The following CTSO variants were observed in gnomAD, a reference collection of about 807,000 sequenced individuals.
CTSO encodes cathepsin O.
CTSO carries 40 observed loss-of-function variants against 42.4 expected under a neutral mutation model. The ratio of observed to expected loss-of-function variants is 0.94; its 90% confidence interval spans 0.73 to 1.23. CTSO has a LOEUF of 1.23. CTSO is among the 50% of genes most tolerant of loss of function. CTSO has a pLI of 0.00. For missense variants in CTSO, 441 were observed against 396.0 expected (o/e 1.11, Z -0.96); for synonymous variants, 156 against 146.2 (o/e 1.07, Z -0.48).
intron 1 of CTSO, among the ~76,000 whole-genome samples, chr4:155,945,404 A>G (rs530593146): frequency 1.3e-5 from 2 of 152,366 alleles, no homozygotes; most frequent in East Asian, 3.9e-4. Flanking sequence ...ATGACAATAA[A>G]TTGGCAAACT....
intron 1 of CTSO, among the ~76,000 whole-genome samples, chr4:155,943,774 T>C (rs568403339): frequency 1.3e-5 from 2 of 152,338 alleles, no homozygotes; most frequent in African/African-American, 4.8e-5. Context: ...TAGATATCTC[T>C]ATCTCATGTA....
At chr4:155,939,995 G>A (rs1743400733) in intron 3 of CTSO, among the ~76,000 whole-genome samples, 1 of 152,148 alleles carries the variant, frequency 6.6e-6, no homozygotes, top group Non-Finnish European at 1.5e-5. Flanking sequence ...CTAAGGGTGA[G>A]GAGGGGAAAG....
At chr4:155,948,690 A>G (rs1266174582) in intron 1 of CTSO, among the ~76,000 whole-genome samples, 2 of 152,206 alleles carry the variant, frequency 1.3e-5, no homozygotes, top group East Asian at 3.9e-4. Flanking sequence ...AATTCCTCAG[A>G]AATCAACATT....
In CTSO at chr4:155,950,699, C is replaced by A. The variant is rs954697019; in HGVS notation, c.135+3014G>T. Among the ~76,000 whole-genome samples the A allele has an allele frequency of 2.0e-5, 3 of 151,988 alleles. No individual in the cohort carries two copies. The East Asian group carries it at 5.8e-4, about 29-fold the overall frequency. On this transcript the variant is annotated intron_variant, in intron 1 of 7. Coordinates refer to ENST00000433477, the MANE Select transcript of CTSO (RefSeq NM_001334.3). The stretch of plus-strand genomic sequence containing the variant: ...ACCTGATCTCCACCTTCTGTCAGAT[C>A]GGCAGCAGCATTAGATTATCATAGG...
intron 1 of CTSO, among the ~76,000 whole-genome samples, chr4:155,948,131 T>C (rs1490141137): frequency 2.6e-5 from 4 of 152,110 alleles, no homozygotes; most frequent in African/African-American, 9.7e-5. Flanking sequence ...ACCAGATTCC[T>C]GAACAGAAGG....
intron 6 of CTSO, among the ~76,000 whole-genome samples, chr4:155,929,236 A>G (rs1173350576): frequency 1.3e-5 from 2 of 152,182 alleles, no homozygotes; most frequent in Non-Finnish European, 2.9e-5. Flanking sequence ...CTTGCTGTCA[A>G]TAAATATGTG....
At chr4:155,945,996 A>T (rs2110932219) in intron 1 of CTSO, among the ~76,000 whole-genome samples, 1 of 152,284 alleles carries the variant, frequency 6.6e-6, no homozygotes, top group East Asian at 1.9e-4. Flanking sequence ...GATCCTTAAA[A>T]TTACACAAAT....
intron 5 of CTSO, 45 bp from the exon 6 acceptor site, chr4:155,929,750 G>A (rs746755188): frequency 1.3e-6 from 2 of 1,552,780 alleles, no homozygotes; most frequent in Non-Finnish European, 8.7e-7. Context: ...AGTTTTTAAG[G>A]TAAAAATAAC....
chr4:155,940,377 T>C (rs1246524896), intron 3 of CTSO, among the ~76,000 whole-genome samples: 1 of 148,728 alleles, frequency 6.7e-6, no homozygotes, highest in Non-Finnish European at 1.5e-5. Flanking sequence ...TGGAGGGCCA[T>C]GTGTGGCAGA....
chr4:155,924,710 C>CT lies in CTSO; in HGVS notation c.*1325dup, dbSNP rs1366789025. The CT allele has an allele frequency of 6.6e-6, 1 of 152,126 alleles. No homozygotes were observed. Among genetic ancestry groups the CT allele is most frequent in the East Asian group, 1.9e-4 (1 of 5,198 alleles). The allele number at this position is 152,126 out of a possible 1,614,324, so 9.4% of individuals were successfully genotyped here. On this transcript the variant is annotated 3_prime_UTR_variant, in exon 8 of 8. Coordinates refer to ENST00000433477, the MANE Select transcript of CTSO (RefSeq NM_001334.3). ...CAATCAGAAGGTCAACTCCTTTGCTCTAAGGTTCTTACACTGCTAACAAGA... is the reference window on the plus strand; with the variant it reads ...CAATCAGAAGGTCAACTCCTTTGCTCTTAAGGTTCTTACACTGCTAACAAGA...
chr4:155,929,056 A>C (rs1010358464), intron 6 of CTSO, among the ~76,000 whole-genome samples: 1 of 152,228 alleles, frequency 6.6e-6, no homozygotes, highest in Non-Finnish European at 1.5e-5. Flanking sequence ...AACTGCTTAA[A>C]GGCGTTCTTA....
intron 1 of CTSO, among the ~76,000 whole-genome samples, chr4:155,944,068 C>T (rs1743491607): frequency 6.6e-6 from 1 of 152,144 alleles, no homozygotes; most frequent in African/African-American, 2.4e-5. Context: ...TATTGTGTGT[C>T]TGTATCAAAA....
chr4:155,924,522 T>C lies in CTSO; in HGVS notation c.*1514A>G, dbSNP rs1021099478. 5 of 152,154 alleles carry C rather than the reference T, an allele frequency of 3.3e-5. No individual in the cohort carries two copies. Among genetic ancestry groups the C allele is most frequent in the South Asian group, 2.1e-4 (1 of 4,824 alleles). 9.4% of individuals were successfully genotyped at this position (152,154 alleles called of 1,614,324 possible). A position where few individuals can be genotyped will look rare whatever the true frequency, so the allele number is the denominator to read the frequency against. ...AGTGAGAGAAAAAGTTAGATGTCCT[T>C]GAATTTTTTTTTTTAGTGGTTGCTA... On this transcript the variant is annotated 3_prime_UTR_variant, in exon 8 of 8. Coordinates refer to ENST00000433477, the MANE Select transcript of CTSO (RefSeq NM_001334.3).
chr4:155,932,201 AT>A (rs933980692), intron 5 of CTSO, among the ~76,000 whole-genome samples: 1 of 152,084 alleles, frequency 6.6e-6, no homozygotes, highest in Middle Eastern at 3.4e-3. Context: ...ATTTTAGATG[AT>A]TTTTTTCCCT....
intron 5 of CTSO, among the ~76,000 whole-genome samples, chr4:155,932,528 A>G (rs1217762906): frequency 1.3e-5 from 2 of 152,140 alleles, no homozygotes; most frequent in Non-Finnish European, 2.9e-5. Context: ...ACTTGCAACA[A>G]TGAGATCCTG....
chr4:155,947,422 C>A (rs1743569082), intron 1 of CTSO, among the ~76,000 whole-genome samples: 1 of 152,142 alleles, frequency 6.6e-6, no homozygotes, highest in South Asian at 2.1e-4. Flanking sequence ...GCTCAAAGAC[C>A]ATACTTTCAG....
At chr4:155,937,791 T>C (rs1250895100) in intron 4 of CTSO, among the ~76,000 whole-genome samples, 1 of 152,108 alleles carries the variant, frequency 6.6e-6, no homozygotes, top group African/African-American at 2.4e-5. Flanking sequence ...ATTTTTTGTA[T>C]TTTTTGTAAA....
At chr4:155,939,264 C>T (rs528078454) in intron 4 of CTSO, 107 bp downstream of exon 4, 21 of 950,598 alleles carry the variant, frequency 2.2e-5, no homozygotes, top group South Asian at 2.2e-4. Flanking sequence ...CATTTCCGAA[C>T]GTGGAAACAT....
intron 1 of CTSO, among the ~76,000 whole-genome samples, chr4:155,951,508 T>C (rs987964750): frequency 6.6e-6 from 1 of 152,200 alleles, no homozygotes; most frequent in Non-Finnish European, 1.5e-5. Context: ...AACAATACTA[T>C]AATATTTTGT....
Sources: gnomAD v4.1 joint callset for allele counts (sites outside exome capture counted in the v4.1 genomes callset) on GRCh38, gnomAD v4.1.1 for gene constraint, MANE v1.5 for transcripts, NCBI Gene and HGNC (gene_info 2026-07-23, HGNC 2026-07-21) for gene names.